GALNT13: variants seen among roughly 807,000 people sequenced by gnomAD.
The protein encoded by GALNT13 is polypeptide N-acetylgalactosaminyltransferase 13.
In GALNT13, 28 loss-of-function variants were observed where a neutral mutation model predicts 64.2. That is an observed-to-expected ratio of 0.44 (90% CI 0.32 to 0.60). The LOEUF is 0.60. Among genes scored for constraint, GALNT13 ranks in the 20% least tolerant of loss-of-function variants. GALNT13 has a pLI of 0.05. For synonymous variants in GALNT13, 214 were observed against 224.6 expected (o/e 0.95, Z 0.42); for missense variants, 577 against 669.8 (o/e 0.86, Z 1.53).
At chr2:154,000,985 T>C (rs1205361224) in intron 3 of GALNT13, among the ~76,000 whole-genome samples, 1 of 152,032 alleles carries the variant, frequency 6.6e-6, no homozygotes, top group African/African-American at 2.4e-5. Flanking sequence ...GTAGGATGCA[T>C]ACATGTTTAC....
the GALNT13 span, among the ~76,000 whole-genome samples, chr2:153,585,524 G>A: frequency 6.6e-6 from 1 of 152,118 alleles, no homozygotes; most frequent in South Asian, 2.1e-4. Flanking sequence ...AATAATAGAT[G>A]AAAACTTTTA....
At chr2:153,430,345 C>T in the GALNT13 span, among the ~76,000 whole-genome samples, 1 of 151,870 alleles carries the variant, frequency 6.6e-6, no homozygotes, top group South Asian at 2.1e-4. Context: ...TTTTATGATA[C>T]CATCTGCTGT....
intron 2 of GALNT13, among the ~76,000 whole-genome samples, chr2:153,938,764 C>T (rs1691127665): frequency 6.6e-6 from 1 of 152,102 alleles, no homozygotes; most frequent in Admixed American, 6.5e-5. Context: ...GTCCTAATCT[C>T]CTTGAAGGGT....
chr2:153,696,629 G>A, the GALNT13 span, among the ~76,000 whole-genome samples: 1 of 152,112 alleles, frequency 6.6e-6, no homozygotes, highest in Non-Finnish European at 1.5e-5. Context: ...ACAACAATAT[G>A]TTGTAATATA....
At chr2:153,638,968 A>G in the GALNT13 span, among the ~76,000 whole-genome samples, 2 of 152,190 alleles carry the variant, frequency 1.3e-5, no homozygotes, top group African/African-American at 4.8e-5. Context: ...TAAAATGTCA[A>G]CCAGCGAACA....
chr2:154,257,957 A>G (rs377531171), intron 7 of GALNT13, among the ~76,000 whole-genome samples: 4 of 152,252 alleles, frequency 2.6e-5, no homozygotes, highest in African/African-American at 9.6e-5. Context: ...TATAATACCA[A>G]AGTCGGGCCC....
chr2:154,008,972 A>T (rs372341638), intron 3 of GALNT13, among the ~76,000 whole-genome samples: 1 of 152,120 alleles, frequency 6.6e-6, no homozygotes, highest in African/African-American at 2.4e-5. Flanking sequence ...TGGGATTGCT[A>T]GGTTAAATGG....
At chr2:153,381,530 C>T in the GALNT13 span, among the ~76,000 whole-genome samples, 1 of 152,016 alleles carries the variant, frequency 6.6e-6, no homozygotes, top group Admixed American at 6.6e-5. Flanking sequence ...TTTCAGGTAC[C>T]TATATATGTA....
chr2:153,894,909 G>A (rs1056473642), intron 1 of GALNT13, among the ~76,000 whole-genome samples: 11 of 152,108 alleles, frequency 7.2e-5, no homozygotes, highest in African/African-American at 2.4e-4. Flanking sequence ...TGTAAAGGGA[G>A]GCATAGCTTG....
At chr2:154,173,346 T>A (rs1685471198) in intron 4 of GALNT13, among the ~76,000 whole-genome samples, 1 of 151,568 alleles carries the variant, frequency 6.6e-6, no homozygotes, top group South Asian at 2.1e-4. Context: ...ATTTTTTAAT[T>A]AAATTTAATT....
At chr2:153,937,281 A>G (rs549816527) in intron 2 of GALNT13, among the ~76,000 whole-genome samples, 10 of 152,376 alleles carry the variant, frequency 6.6e-5, no homozygotes, top group African/African-American at 2.2e-4. Flanking sequence ...ATAGCTATAC[A>G]ATGGAATATT....
chr2:154,275,738 T>A (rs1427718984), intron 8 of GALNT13, among the ~76,000 whole-genome samples: 2 of 152,210 alleles, frequency 1.3e-5, no homozygotes, highest in Non-Finnish European at 2.9e-5. Flanking sequence ...AGAGGGCCAC[T>A]GTCCTCCAGA....
the GALNT13 span, among the ~76,000 whole-genome samples, chr2:153,155,555 G>A: frequency 6.6e-6 from 1 of 151,936 alleles, no homozygotes; most frequent in Non-Finnish European, 1.5e-5. Flanking sequence ...ATTTCTGTGG[G>A]GTCAGTGGTA....
At chr2:154,418,033 T>C (rs1467828997) in intron 11 of GALNT13, among the ~76,000 whole-genome samples, 1 of 152,162 alleles carries the variant, frequency 6.6e-6, no homozygotes, top group African/African-American at 2.4e-5. Flanking sequence ...TTATCCTATC[T>C]GCAAAAATAA....
chr2:154,139,170 G>A (rs2105574970), intron 3 of GALNT13, among the ~76,000 whole-genome samples: 1 of 152,124 alleles, frequency 6.6e-6, no homozygotes, highest in Non-Finnish European at 1.5e-5. Flanking sequence ...ATGGTCAACT[G>A]TGTATTCATG....
the GALNT13 span, among the ~76,000 whole-genome samples, chr2:153,375,292 G>T: frequency 6.6e-6 from 1 of 151,780 alleles, no homozygotes; most frequent in African/African-American, 2.4e-5. Flanking sequence ...TTGACTTTTG[G>T]AATCTGCTTA....
chr2:153,891,152 T>G (rs1687528149), intron 1 of GALNT13, among the ~76,000 whole-genome samples: 1 of 152,032 alleles, frequency 6.6e-6, no homozygotes, highest in Non-Finnish European at 1.5e-5. Context: ...TCTACACAAT[T>G]AAGTCCTTAC....
At chr2:154,420,308 T>C (rs1474854757) in intron 11 of GALNT13, among the ~76,000 whole-genome samples, 1 of 152,150 alleles carries the variant, frequency 6.6e-6, no homozygotes, top group Non-Finnish European at 1.5e-5. Flanking sequence ...GCTCCTGTTA[T>C]ATACAGATGG....
the GALNT13 span, among the ~76,000 whole-genome samples, chr2:153,339,577 G>A: frequency 2.6e-5 from 4 of 152,030 alleles, no homozygotes; most frequent in South Asian, 2.1e-4. Flanking sequence ...TTTTTACTCC[G>A]TTGATTGTTT....
Sources: gnomAD v4.1 joint callset for allele counts (sites outside exome capture counted in the v4.1 genomes callset) on GRCh38, gnomAD v4.1.1 for gene constraint, MANE v1.5 for transcripts, NCBI Gene and HGNC (gene_info 2026-07-23, HGNC 2026-07-21) for gene names.